SHANK2: variants seen among roughly 807,000 people sequenced by gnomAD.
SHANK2 encodes the protein SH3 and multiple ankyrin repeat domains protein 2.
SHANK2 carries 43 observed loss-of-function variants against 133.7 expected under a neutral mutation model. The observed-to-expected ratio is 0.32, with a 90% CI of 0.25 to 0.41. The LOEUF (loss-of-function observed/expected upper bound fraction) is 0.41. Among genes scored for constraint, SHANK2 ranks in the 10% least tolerant of loss-of-function variants. The pLI is 1.00. For missense variants in SHANK2, 1,994 were observed against 2,235.8 expected (o/e 0.89, Z 2.18); for synonymous variants, 1,017 against 952.8 (o/e 1.07, Z -1.24).
chr11:70,502,544 C>T (rs1293817632), intron 18 of SHANK2, among the ~76,000 whole-genome samples: 1 of 152,128 alleles, frequency 6.6e-6, no homozygotes, highest in Non-Finnish European at 1.5e-5. Context: ...AGTGGGAAGC[C>T]TGCGGAAGGG....
intron 17 of SHANK2, chr11:70,603,711 T>G (rs2060531599): frequency 1.3e-5 from 2 of 152,704 alleles, no homozygotes; most frequent in Admixed American, 6.5e-5. Context: ...ACAGCCTTGG[T>G]GCTTTCAGAA....
intron 14 of SHANK2, among the ~76,000 whole-genome samples, chr11:70,734,338 C>T (rs1021515020): frequency 1.6e-4 from 24 of 152,222 alleles, no homozygotes; most frequent in African/African-American, 4.8e-4. Flanking sequence ...CGAGGGAGGT[C>T]GAGTGAAGGT....
chr11:70,688,551 C>T (rs972381864), intron 15 of SHANK2, among the ~76,000 whole-genome samples: 7 of 152,240 alleles, frequency 4.6e-5, no homozygotes, highest in Admixed American at 2.0e-4. Context: ...CAGCTTTATG[C>T]TTGGCTCTTT....
At chr11:70,735,578 C>A (rs1330715389) in intron 14 of SHANK2, among the ~76,000 whole-genome samples, 1 of 152,054 alleles carries the variant, frequency 6.6e-6, no homozygotes, top group East Asian at 1.9e-4. Context: ...GTGGCGGGCG[C>A]CTGTAATCCC....
intron 9 of SHANK2, among the ~76,000 whole-genome samples, chr11:71,062,855 G>A (rs1951003467): frequency 6.6e-6 from 1 of 151,946 alleles, no homozygotes; most frequent in South Asian, 2.1e-4. Flanking sequence ...AAATTAGCCA[G>A]GAGCGGTGGT....
At chr11:71,199,735 G>A (rs372842663) in intron 2 of SHANK2, among the ~76,000 whole-genome samples, 10 of 152,296 alleles carry the variant, frequency 6.6e-5, no homozygotes, top group African/African-American at 1.9e-4. Context: ...CACGGACACC[G>A]CACCCTGCCA....
chr11:71,137,697 A>T (rs1398568025), intron 3 of SHANK2, among the ~76,000 whole-genome samples: 2 of 152,174 alleles, frequency 1.3e-5, no homozygotes, highest in Non-Finnish European at 2.9e-5. Context: ...TCTGACCAGA[A>T]CTGGCTTTCT....
chr11:71,099,604 C>T (rs1254897576), intron 6 of SHANK2, among the ~76,000 whole-genome samples: 3 of 152,148 alleles, frequency 2.0e-5, no homozygotes, highest in African/African-American at 7.2e-5. Context: ...CCAAATTATA[C>T]AGAGAACCCT....
chr11:71,085,591 AT>A (rs1951372343), intron 8 of SHANK2, among the ~76,000 whole-genome samples: 29 of 28,928 alleles, frequency 1.0e-3, no homozygotes, highest in African/African-American at 2.9e-3. Flanking sequence ...AATATATTAT[AT>A]AATATATATA....
At position 70,843,229 on chromosome 11, in the gene SHANK2, GCTATGGGGTGGGCTGGGCTC is replaced by G. The variant is rs1412894694; in HGVS notation, c.1175-22567_1175-22548del. ...GACAGCTATTAGGGTGGGCTGGGCTGCTATGGGGTGGGCTGGGCTCCTATGGGGTGGGCTGGGCTGCTATG... is the reference window on the plus strand; with the variant it reads ...GACAGCTATTAGGGTGGGCTGGGCTGCTATGGGGTGGGCTGGGCTGCTATG... On this transcript the variant is annotated intron_variant, in intron 11 of 25. Coordinates refer to ENST00000601538, the MANE Select transcript of SHANK2 (RefSeq NM_012309.5). 1.4e-4 allele frequency among the ~76,000 whole-genome samples: 19 copies of G among 136,054 alleles called. 1 individual carries two copies. The East Asian group carries it at 4.0e-3, about 29-fold the overall frequency. The allele number at this position is 136,054 out of a possible 152,430, so 89.3% of individuals were successfully genotyped here.
chr11:70,567,351 G>A (rs561314642), intron 17 of SHANK2, among the ~76,000 whole-genome samples: 12 of 152,230 alleles, frequency 7.9e-5, no homozygotes, highest in Admixed American at 1.3e-4. Flanking sequence ...AGATGAGGCC[G>A]GGCGTGGTGG....
chr11:70,522,240 C>G (rs2059339222), intron 17 of SHANK2, among the ~76,000 whole-genome samples: 2 of 152,208 alleles, frequency 1.3e-5, no homozygotes, highest in Non-Finnish European at 2.9e-5. Context: ...TTGGTCTCTG[C>G]CTCTTTAAGG....
rs184055852 is a variant in SHANK2, at chr11:70,643,636, T to C, written c.2061+16192A>G. 5.9e-5 allele frequency among the ~76,000 whole-genome samples: 9 copies of C among 151,898 alleles called. No individual in the cohort carries two copies. The East Asian group carries it at 1.7e-3, about 30-fold the overall frequency. On this transcript the variant is annotated intron_variant, in intron 17 of 25. Transcript: ENST00000601538. ...TGGTTGGTCTGTGACCTGTGGTTAG[T>C]ATTTGGGATGGTGTCTTGGGAATCA... is the stretch of plus-strand genomic sequence containing the variant.
chr11:70,914,779 T>C (rs1418573945), intron 10 of SHANK2, among the ~76,000 whole-genome samples: 1 of 150,746 alleles, frequency 6.6e-6, no homozygotes, highest in African/African-American at 2.4e-5. Context: ...TAACCCCAGC[T>C]ATTCAGGAGA....
intron 17 of SHANK2, among the ~76,000 whole-genome samples, chr11:70,567,394 C>T (rs1341745389): frequency 1.3e-5 from 2 of 151,920 alleles, no homozygotes; most frequent in Non-Finnish European, 2.9e-5. Context: ...TTTGGGAGGC[C>T]GAGGTGGGTG....
intron 2 of SHANK2, among the ~76,000 whole-genome samples, chr11:71,203,785 C>T (rs782619619): frequency 2.2e-4 from 34 of 152,126 alleles, no homozygotes; most frequent in Admixed American, 5.2e-4. Flanking sequence ...GCAGCGTGAC[C>T]TCTCAGGGGC....
chr11:70,608,775 C>T (rs1591643773), intron 17 of SHANK2, among the ~76,000 whole-genome samples: 2 of 152,344 alleles, frequency 1.3e-5, no homozygotes, highest in Admixed American at 6.5e-5. Flanking sequence ...TGTGTGCAGC[C>T]GATCAGAGAA....
At chr11:71,251,378 G>C (rs1006859063) in intron 1 of SHANK2, among the ~76,000 whole-genome samples, 3 of 152,120 alleles carry the variant, frequency 2.0e-5, no homozygotes, top group African/African-American at 7.2e-5. Context: ...GCATCCCCCC[G>C]AACCCGGGCG....
intron 17 of SHANK2, chr11:70,633,533 G>A (rs1555002969): frequency 6.6e-6 from 1 of 152,236 alleles, no homozygotes; most frequent in Non-Finnish European, 1.5e-5. Context: ...TGTACAAACA[G>A]TGTTCAGCTT....
Sources: allele counts gnomAD v4.1 joint callset (sites outside exome capture counted in the v4.1 genomes callset), GRCh38; gene constraint gnomAD v4.1.1; transcripts MANE v1.5; gene names NCBI Gene and HGNC (gene_info 2026-07-23, HGNC 2026-07-21).